Variants in COL26A1 observed in about 807,000 individuals in gnomAD.
COL26A1 encodes collagen alpha-1(XXVI) chain.
Under a neutral mutation model 59.3 loss-of-function variants are expected in COL26A1, and 41 were observed. That is an observed-to-expected ratio of 0.69 (90% CI 0.54 to 0.90). The LOEUF (loss-of-function observed/expected upper bound fraction) is 0.90, where lower values mean the gene tolerates loss of function less well. Among genes scored for constraint, COL26A1 ranks in the 40% least tolerant of loss-of-function variants. The pLI, the probability that COL26A1 is intolerant of heterozygous loss-of-function variation, is 0.00. For missense variants in COL26A1, 612 were observed against 602.3 expected (o/e 1.02, Z -0.17); for synonymous variants, 266 against 256.0 (o/e 1.04, Z -0.37).
intron 1 of COL26A1, among the ~76,000 whole-genome samples, chr7:101,414,257 A>T (rs956722794): frequency 6.6e-6 from 1 of 152,144 alleles, no homozygotes; most frequent in Admixed American, 6.6e-5. Flanking sequence ...TCCAATTCAC[A>T]GCTCATTTCT....
chr7:101,488,386 AT>A (rs774668616), intron 3 of COL26A1, among the ~76,000 whole-genome samples: 4 of 124,794 alleles, frequency 3.2e-5, no homozygotes, highest in African/African-American at 3.0e-5. Flanking sequence ...ATACACACAC[AT>A]TTTTTTTTTC....
intron 2 of COL26A1, among the ~76,000 whole-genome samples, chr7:101,444,549 G>T (rs1369839913): frequency 6.6e-6 from 1 of 151,780 alleles, no homozygotes; most frequent in Non-Finnish European, 1.5e-5. Context: ...CGAGTAGCTG[G>T]GATTGCAGGC....
chr7:101,410,832 G>C (rs781216259), intron 1 of COL26A1, among the ~76,000 whole-genome samples: 36 of 152,110 alleles, frequency 2.4e-4, no homozygotes, highest in Non-Finnish European at 4.3e-4. Context: ...CAGAGTGCTA[G>C]GATTTCAGGC....
chr7:101,516,684 G>A (rs1011015164), intron 3 of COL26A1, among the ~76,000 whole-genome samples: 3 of 152,116 alleles, frequency 2.0e-5, no homozygotes, highest in African/African-American at 7.2e-5. Flanking sequence ...TTGATCATTC[G>A]TGTCTTAAGG....
intron 3 of COL26A1, among the ~76,000 whole-genome samples, chr7:101,493,275 C>A (rs908392200): frequency 5.4e-4 from 80 of 149,420 alleles, no homozygotes; most frequent in Non-Finnish European, 1.0e-4. Flanking sequence ...TCAGACTGGC[C>A]ACTCTTCCCT....
chr7:101,532,118 T>C (rs569374633), intron 3 of COL26A1, among the ~76,000 whole-genome samples: 1 of 152,244 alleles, frequency 6.6e-6, no homozygotes, highest in African/African-American at 2.4e-5. Context: ...TATTTCATCA[T>C]TAAAGAGCTC....
At chr7:101,510,658 C>T (rs958302762) in intron 3 of COL26A1, among the ~76,000 whole-genome samples, 1 of 152,160 alleles carries the variant, frequency 6.6e-6, no homozygotes. Context: ...CAGGTGAGCA[C>T]CACCATGCCC....
chr7:101,549,350 C>A, intron 9 of COL26A1, 127 bp downstream of exon 9: 1 of 594,768 alleles, frequency 1.7e-6, no homozygotes, highest in South Asian at 2.3e-5. Context: ...GTCGGCCTGG[C>A]CGGTGAGATT....
At chr7:101,446,073 C>G (rs1485370628) in intron 2 of COL26A1, among the ~76,000 whole-genome samples, 1 of 101,636 alleles carries the variant, frequency 9.8e-6, no homozygotes, top group Non-Finnish European at 2.3e-5. Context: ...AAAAAAAAGA[C>G]AGTGATGGGG....
intron 1 of COL26A1, among the ~76,000 whole-genome samples, chr7:101,382,824 C>G (rs1791477756): frequency 6.6e-6 from 1 of 152,068 alleles, no homozygotes; most frequent in Non-Finnish European, 1.5e-5. Flanking sequence ...GGCGGGCAGA[C>G]TGCTTGAGGC....
intron 1 of COL26A1, among the ~76,000 whole-genome samples, chr7:101,379,195 C>G (rs1314762213): frequency 1.3e-5 from 2 of 152,118 alleles, no homozygotes; most frequent in African/African-American, 2.4e-5. Flanking sequence ...TGGCCTGCCC[C>G]GGGCACCCAT....
intron 8 of COL26A1, 96 bp from the exon 9 acceptor site, chr7:101,549,075 C>T: frequency 3.3e-6 from 2 of 607,256 alleles, no homozygotes; most frequent in Non-Finnish European, 5.6e-6. Context: ...CCCTCCTTTA[C>T]TTCCCATGGA....
intron 3 of COL26A1, among the ~76,000 whole-genome samples, chr7:101,463,824 T>C (rs117933113): frequency 0.28 from 31,988 of 112,502 alleles, 5,531 homozygotes; most frequent in Non-Finnish European, 0.37. Context: ...CTCCCTCCCT[T>C]CCTTCCTCCT....
chr7:101,489,813 TC>T lies in COL26A1; in HGVS notation c.385+42027del, dbSNP rs1794389443. Among the ~76,000 whole-genome samples, 4 of 3,726 alleles carry T rather than the reference TC, an allele frequency of 1.1e-3. No individual in the cohort carries two copies. The Admixed American group carries it at 0.011, about 10-fold the overall frequency. 2.4% of individuals were successfully genotyped at this position (3,726 alleles called of 152,430 possible). ...TTCTTTCTTTCTTTCTTTCTTTCTT[TC>T]TTTCTTTCTTTCTTTCTTTCTTTCT... On this transcript the variant is annotated intron_variant, in intron 3 of 12. Transcript: ENST00000313669.
chr7:101,399,313 T>TA (rs955746380), intron 1 of COL26A1, among the ~76,000 whole-genome samples: 1 of 150,506 alleles, frequency 6.6e-6, no homozygotes, highest in Non-Finnish European at 1.5e-5. Context: ...CCAAAAATTT[T>TA]AAAAAAAGGA....
chr7:101,377,860 T>C (rs777365665), intron 1 of COL26A1, among the ~76,000 whole-genome samples: 4 of 152,166 alleles, frequency 2.6e-5, no homozygotes, highest in Non-Finnish European at 5.9e-5. Flanking sequence ...TGACTGATCA[T>C]TGCTGTTCAT....
intron 2 of COL26A1, among the ~76,000 whole-genome samples, chr7:101,447,103 C>G (rs1379619119): frequency 6.6e-6 from 1 of 152,044 alleles, no homozygotes; most frequent in African/African-American, 2.4e-5. Context: ...ACTGCTCAAG[C>G]CAGATTACAG....
At chr7:101,375,340 CAGAT>C (rs2117015876) in intron 1 of COL26A1, among the ~76,000 whole-genome samples, 1 of 137,434 alleles carries the variant, frequency 7.3e-6, no homozygotes, top group Admixed American at 7.4e-5. Flanking sequence ...AGGCTTCTCT[CAGAT>C]GGTGTAGTGT....
At chr7:101,515,625 C>T (rs576270651) in intron 3 of COL26A1, among the ~76,000 whole-genome samples, 33 of 147,506 alleles carry the variant, frequency 2.2e-4, no homozygotes, top group African/African-American at 6.8e-4. Flanking sequence ...CTCTTTCTGT[C>T]ACCCAGGCTA....
Sources: allele counts gnomAD v4.1 joint callset (sites outside exome capture counted in the v4.1 genomes callset), GRCh38; gene constraint gnomAD v4.1.1; transcripts MANE v1.5; gene names NCBI Gene and HGNC (gene_info 2026-07-23, HGNC 2026-07-21).